GATA4: variants seen among roughly 807,000 people sequenced by gnomAD.
GATA4 encodes transcription factor GATA-4.
Under a neutral mutation model 37.9 loss-of-function variants are expected in GATA4, and 7 were observed. The ratio of observed to expected loss-of-function variants is 0.18; its 90% CI spans 0.11 to 0.35. GATA4 has a LOEUF of 0.35. Among genes scored for constraint, GATA4 ranks in the 10% least tolerant of loss-of-function variants. The pLI is 1.00. For missense variants in GATA4, 647 were observed against 653.0 expected (o/e 0.99, Z 0.10); for synonymous variants, 372 against 292.6 (o/e 1.27, Z -2.77).
Position 11,757,167 on chromosome 8 carries a change from A to G in GATA4, c.1149+84A>G. ...AGAGGCCAGCCTAGTACTGGGTGGG[A>G]CTTGCAGCCAGGCCTCACAGGTGCA... is the stretch of plus-strand genomic sequence containing the variant. On this transcript the variant is annotated intron_variant, in intron 6 of 6. Coordinates refer to ENST00000532059, the MANE Select transcript of GATA4 (RefSeq NM_001308093.3). 2.6e-6 allele frequency: 4 copies of G among 1,566,734 alleles called. No homozygotes were observed. The South Asian group carries it at 4.6e-5, about 18-fold the overall frequency.
In GATA4 at chr8:11,708,737, G is replaced by T. The variant is rs1188215516; in HGVS notation, c.425G>T (p.Gly142Val). 9 of 1,317,560 alleles carry T rather than the reference G, an allele frequency of 6.8e-6. No individual in the cohort carries two copies. The East Asian group carries it at 1.6e-4, about 24-fold the overall frequency. The allele number at this position is 1,317,560 out of a possible 1,614,324, so 81.6% of individuals were successfully genotyped here. A position where few individuals can be genotyped will look rare whatever the true frequency, so the allele number is the denominator to read the frequency against. ...YSSGGGAAGA[G>V]LAGREQYGRA... ...AGTGGCGGCGGAGCGGCGGGTGCGGGCCTGGCGGGCCGCGAGCAGTACGGG... is the reference window on the plus strand; with the variant it reads ...AGTGGCGGCGGAGCGGCGGGTGCGGTCCTGGCGGGCCGCGAGCAGTACGGG... The change falls in exon 2 of 7, where the codon GGC becomes GTC. Residue 142 changes from glycine (G) to valine (V), a missense_variant. Gly to Val is a moderately radical substitution (Grantham distance 109). Transcript: ENST00000532059. The surrounding 1 kb of genome is among the most constrained non-coding windows in gnomAD (Gnocchi z 6.7).
intron 4 of GATA4, among the ~76,000 whole-genome samples, chr8:11,750,770 T>TAAAA (rs1195090785): frequency 5.0e-4 from 44 of 88,786 alleles, no homozygotes; most frequent in East Asian, 1.3e-3. Flanking sequence ...TTGTCTCTAC[T>TAAAA]AAAAAAAAAA....
At chr8:11,725,179 C>G (rs540265771) in intron 2 of GATA4, among the ~76,000 whole-genome samples, 16 of 152,336 alleles carry the variant, frequency 1.1e-4, no homozygotes, top group African/African-American at 2.6e-4. Context: ...GGAGGGATAC[C>G]CTGTAGCAAA....
chr8:11,713,637 C>CA (rs375905844), intron 2 of GATA4, among the ~76,000 whole-genome samples: 3,250 of 105,312 alleles, frequency 0.031, 110 homozygotes, highest in African/African-American at 0.1. Flanking sequence ...TTCTGAAAAG[C>CA]AAAAAAAAAA....
intron 1 of GATA4, among the ~76,000 whole-genome samples, chr8:11,687,602 A>G (rs1446388748): frequency 6.6e-6 from 1 of 152,182 alleles, no homozygotes; most frequent in Non-Finnish European, 1.5e-5. Flanking sequence ...CCCCCTTTTT[A>G]TAGATGAGAA....
In GATA4 at chr8:11,750,182, T is replaced by C. The variant is rs777675355; in HGVS notation, c.858T>C (p.Asn286=). 3 of 1,613,642 alleles carry C rather than the reference T, an allele frequency of 1.9e-6. No homozygotes were observed. Among genetic ancestry groups the C allele is most frequent in the Non-Finnish European group, 2.5e-6 (3 of 1,180,054 alleles). The stretch of plus-strand genomic sequence containing the variant: ...CCACCACCACGCTGTGGCGCCGCAA[T>C]GCGGAGGGCGAGCCTGTGTGCAATG... The part of the protein sequence containing the change: ...QTTTTTLWRR[N]AEGEPVCNAC... The change falls in exon 4 of 7, where the codon AAT becomes AAC. Residue 286 remains asparagine, a synonymous_variant. Transcript: ENST00000532059.
chr8:11,758,037 A>G (rs1183164320), intron 6 of GATA4, among the ~76,000 whole-genome samples: 1 of 152,148 alleles, frequency 6.6e-6, no homozygotes, highest in Non-Finnish European at 1.5e-5. Flanking sequence ...CTTCTGGGCA[A>G]CCACAGTATC....
chr8:11,692,612 G>A (rs933549758), upstream of GATA4: 4 of 985,350 alleles, frequency 4.1e-6, no homozygotes, highest in South Asian at 1.9e-4. Context: ...GGCGGGAACC[G>A]GCTTCTGGGG....
Position 11,707,997 on chromosome 8 carries a change from G to A in GATA4, c.-316G>A. On this transcript the variant is annotated 5_prime_UTR_variant, in exon 2 of 7. Transcript: ENST00000532059. This position sits in a 1 kb window ranked among gnomAD's most constrained non-coding sequence, Gnocchi z 4.7. ...CCTCCAGGCCTGGACGCTGCCCTCC[G>A]TCTTCTGCCCCCAATAGGTGCGCCG... The A allele has an allele frequency of 2.5e-6, 1 of 400,862 alleles. No homozygotes were observed. Among genetic ancestry groups the A allele is most frequent in the South Asian group, 2.1e-5 (1 of 46,802 alleles). The allele number at this position is 400,862 out of a possible 1,614,324, so 24.8% of individuals were successfully genotyped here.
At position 11,710,688 on chromosome 8, in the gene GATA4, C is replaced by CAA. The variant is rs57178682; in HGVS notation, c.616+1785_616+1786dup. Among the ~76,000 whole-genome samples the CAA allele has an allele frequency of 1.9e-3, 71 of 37,286 alleles. 6 individuals are homozygous for CAA. The highest frequency in any genetic ancestry group is 7.2e-3 in the African/African-American group (62 of 8,668). 24.5% of individuals were successfully genotyped at this position (37,286 alleles called of 152,430 possible). A position where few individuals can be genotyped will look rare whatever the true frequency, so the allele number is the denominator to read the frequency against. ...CTGGTAACAGAACAAGACTACGTCT[C>CAA]AAAAAAAAAAAAAAAAAAAAAAAAA... On this transcript the variant is annotated intron_variant, in intron 2 of 6. Transcript: ENST00000532059.
chr8:11,743,413 T>G (rs1388381565), intron 2 of GATA4, among the ~76,000 whole-genome samples: 3 of 152,218 alleles, frequency 2.0e-5, no homozygotes, highest in African/African-American at 4.8e-5. Context: ...CAACACAGGC[T>G]GGGGCTCAAC....
At chr8:11,741,411 C>T (rs533226402) in intron 2 of GATA4, among the ~76,000 whole-genome samples, 2 of 151,986 alleles carry the variant, frequency 1.3e-5, no homozygotes, top group East Asian at 1.9e-4. Flanking sequence ...GCCGCGAAGT[C>T]AAGGCTGCAA....
At chr8:11,703,941 C>T (rs1585584680), upstream of GATA4, among the ~76,000 whole-genome samples, 1 of 152,362 alleles carries the variant, frequency 6.6e-6, no homozygotes, top group East Asian at 1.9e-4. Context: ...TGACCCTGGG[C>T]ACCACAGCGA....
chr8:11,692,677 G>C, intron 1 of GATA4: 1 of 985,142 alleles, frequency 1.0e-6, no homozygotes, highest in Non-Finnish European at 1.2e-6. Context: ...GCGGGGGTGC[G>C]GGGGTGAGGG....
rs1314716533 is a variant in GATA4, at chr8:11,704,323, C to T, written c.-458+19C>T. On this transcript the variant is annotated intron_variant, in intron 1 of 6. Coordinates refer to ENST00000532059, the MANE Select transcript of GATA4 (RefSeq NM_001308093.3). ...CCAGCAGGTAGGGCTTTTTTCTTCC[C>T]TTTCTTTGCTCCTTCCCGCGGTCCC... 15 of 152,294 alleles carry T rather than the reference C, an allele frequency of 9.8e-5. No homozygotes were observed. The highest frequency in any genetic ancestry group is 8.5e-4 in the Admixed American group (13 of 15,292). The allele number at this position is 152,294 out of a possible 1,614,324, so 9.4% of individuals were successfully genotyped here.
chr8:11,720,791 T>C (rs976139081), intron 2 of GATA4, among the ~76,000 whole-genome samples: 24 of 151,944 alleles, frequency 1.6e-4, no homozygotes, highest in Admixed American at 2.0e-4. Flanking sequence ...TTTTTTTTTA[T>C]ACGGCTGCAT....
At chr8:11,704,060 C>A (rs1563196689), upstream of GATA4, 2 of 152,244 alleles carry the variant, frequency 1.3e-5, no homozygotes, top group African/African-American at 2.4e-5. Flanking sequence ...GCTGGGGGAG[C>A]TTTCCGCACA....
rs1201747121 is a variant in GATA4, at chr8:11,708,050, C to G, written c.-263C>G. ...CCTTCAGGCCCTGGGGTGAATTCAGCTGCTCCTACATCAGCTTCCGGAACC... is the reference window on the plus strand; with the variant it reads ...CCTTCAGGCCCTGGGGTGAATTCAGGTGCTCCTACATCAGCTTCCGGAACC... On this transcript the variant is annotated 5_prime_UTR_variant, in exon 2 of 7. Transcript: ENST00000532059. The surrounding 1 kb of genome is among the most constrained non-coding windows in gnomAD (Gnocchi z 6.7). The G allele has an allele frequency of 1.9e-6, 1 of 539,398 alleles. No individual in the cohort carries two copies. Among genetic ancestry groups the G allele is most frequent in the African/African-American group, 1.9e-5 (1 of 52,472 alleles). The allele number at this position is 539,398 out of a possible 1,614,324, so 33.4% of individuals were successfully genotyped here. A position where few individuals can be genotyped will look rare whatever the true frequency, so the allele number is the denominator to read the frequency against.
chr8:11,728,125 G>A (rs1173015195), intron 2 of GATA4, among the ~76,000 whole-genome samples: 1 of 152,012 alleles, frequency 6.6e-6, no homozygotes, highest in Non-Finnish European at 1.5e-5. Flanking sequence ...CGAGCAGCTG[G>A]GATTACAGGC....
Sources: gnomAD v4.1 joint callset for allele counts (sites outside exome capture counted in the v4.1 genomes callset) on GRCh38, gnomAD v4.1.1 for gene constraint, Gnocchi (gnomAD v3.1) non-coding constraint, MANE v1.5 for transcripts, NCBI Gene and HGNC (gene_info 2026-07-23, HGNC 2026-07-21) for gene names.